The following NRG3 variants were observed in gnomAD, a reference collection of about 807,000 sequenced individuals.
NRG3 encodes the protein neuregulin 3.
Under a neutral mutation model 66.9 loss-of-function variants are expected in NRG3, and 31 were observed. The ratio of observed to expected loss-of-function variants is 0.46; its 90% CI spans 0.35 to 0.63. NRG3 has a LOEUF of 0.63. NRG3 is among the 20% of genes least tolerant of loss of function. The probability of loss-of-function intolerance (pLI) is 0.00; values close to 1 mark genes in which losing one functional copy is unlikely to be tolerated. For missense variants in NRG3, 910 were observed against 878.9 expected, an observed-to-expected ratio of 1.04 and a Z score of -0.45; for synonymous variants, 393 against 359.4, an observed-to-expected ratio of 1.09 and a Z score of -1.06.
At chr10:82,213,769 A>G (rs2075520414) in intron 1 of NRG3, among the ~76,000 whole-genome samples, 1 of 152,214 alleles carries the variant, frequency 6.6e-6, no homozygotes, top group Non-Finnish European at 1.5e-5. Context: ...TTACCTTACT[A>G]TGTCACATAT....
intron 1 of NRG3, among the ~76,000 whole-genome samples, chr10:82,109,559 GTGTGTGTGTGTGTGTGTGTATA>G (rs991371924): frequency 3.8e-5 from 5 of 132,200 alleles, no homozygotes; most frequent in African/African-American, 1.2e-4. Flanking sequence ...GTGTGTGTGT[GTGTGTGTGTGTGTGTGTGTATA>G]TATATATTTT....
At chr10:82,534,209 T>C (rs1847585247) in intron 2 of NRG3, among the ~76,000 whole-genome samples, 1 of 150,684 alleles carries the variant, frequency 6.6e-6, no homozygotes, top group African/African-American at 2.4e-5. Context: ...ACAAATTCAA[T>C]GCAATCTGCA....
intron 1 of NRG3, among the ~76,000 whole-genome samples, chr10:81,962,318 A>C (rs2133286585): frequency 6.6e-6 from 1 of 152,300 alleles, no homozygotes; most frequent in South Asian, 2.1e-4. Context: ...CAGTCAACAC[A>C]TTTAGGGTTG....
intron 8 of NRG3, chr10:82,984,845 T>C (rs1245498269): frequency 4.6e-6 from 7 of 1,517,484 alleles, no homozygotes; most frequent in Non-Finnish European, 6.3e-6. Flanking sequence ...GAAAGACCCC[T>C]GGACTTAAAG....
At chr10:82,830,781 T>G (rs2062478869) in intron 3 of NRG3, among the ~76,000 whole-genome samples, 1 of 152,130 alleles carries the variant, frequency 6.6e-6, no homozygotes, top group Admixed American at 6.6e-5. Context: ...AAGGAACCCA[T>G]CTAGGGAAAC....
chr10:82,217,168 A>C (rs912162228), intron 1 of NRG3, among the ~76,000 whole-genome samples: 1 of 152,224 alleles, frequency 6.6e-6, no homozygotes, highest in Non-Finnish European at 1.5e-5. Flanking sequence ...AAGAAACAGC[A>C]GCTTTTACTC....
At chr10:81,908,915 G>A (rs1844847694) in intron 1 of NRG3, among the ~76,000 whole-genome samples, 1 of 152,150 alleles carries the variant, frequency 6.6e-6, no homozygotes, top group Admixed American at 6.5e-5. Flanking sequence ...GGTGTTGAGA[G>A]TGATGGGGTT....
intron 1 of NRG3, among the ~76,000 whole-genome samples, chr10:82,155,205 G>A (rs1295797908): frequency 6.6e-6 from 1 of 151,778 alleles, no homozygotes; most frequent in East Asian, 1.9e-4. Context: ...ATCAGAGCAC[G>A]TTTTCACCTG....
At chr10:82,739,242 T>G (rs373005063) in intron 3 of NRG3, among the ~76,000 whole-genome samples, 1 of 152,222 alleles carries the variant, frequency 6.6e-6, no homozygotes, top group East Asian at 1.9e-4. Flanking sequence ...TGGCTAGTCA[T>G]TAGTTTGTTT....
chr10:82,826,833 T>C (rs571247358), intron 3 of NRG3, among the ~76,000 whole-genome samples: 2 of 151,932 alleles, frequency 1.3e-5, no homozygotes, highest in Non-Finnish European at 2.9e-5. Flanking sequence ...GGAGAGGACA[T>C]ACCTTGTACA....
intron 2 of NRG3, among the ~76,000 whole-genome samples, chr10:82,560,894 T>A (rs183487321): frequency 1.0e-3 from 155 of 152,162 alleles, no homozygotes; most frequent in Middle Eastern, 7.2e-3. Flanking sequence ...CAATGATGCA[T>A]GAGTCTTATA....
intron 1 of NRG3, among the ~76,000 whole-genome samples, chr10:82,055,419 G>A (rs1251123847): frequency 7.2e-6 from 1 of 139,686 alleles, no homozygotes; most frequent in East Asian, 2.0e-4. Flanking sequence ...AGAGTTTGCA[G>A]TGAACCAAGA....
chr10:82,798,544 CTT>C (rs1292076844), intron 3 of NRG3, among the ~76,000 whole-genome samples: 1 of 152,114 alleles, frequency 6.6e-6, no homozygotes, highest in Non-Finnish European at 1.5e-5. Flanking sequence ...AAAGGACTAT[CTT>C]GTTTGGGGGT....
intron 2 of NRG3, among the ~76,000 whole-genome samples, chr10:82,577,581 A>AT: frequency 6.6e-6 from 1 of 151,858 alleles, no homozygotes; most frequent in African/African-American, 2.4e-5. Context: ...GGATCCCTAC[A>AT]TTTAAGAGAA....
intron 1 of NRG3, among the ~76,000 whole-genome samples, chr10:82,049,715 C>G (rs1438957358): frequency 6.6e-6 from 1 of 151,978 alleles, no homozygotes; most frequent in South Asian, 2.1e-4. Flanking sequence ...TGGGCACTCT[C>G]TGCATCCAAT....
chr10:82,239,289 G>A (rs578037256), intron 1 of NRG3, among the ~76,000 whole-genome samples: 187 of 152,114 alleles, frequency 1.2e-3, no homozygotes, highest in Non-Finnish European at 1.7e-3. Flanking sequence ...TTACCCAGGC[G>A]GGACCATAGG....
At chr10:82,407,995 G>C (rs2087664767) in intron 2 of NRG3, among the ~76,000 whole-genome samples, 1 of 150,084 alleles carries the variant, frequency 6.7e-6, no homozygotes, top group South Asian at 2.1e-4. Context: ...CTTGAGGTGA[G>C]CTAAGATCAC....
chr10:82,511,746 G>T (rs1845185275), intron 2 of NRG3, among the ~76,000 whole-genome samples: 1 of 152,100 alleles, frequency 6.6e-6, no homozygotes, highest in African/African-American at 2.4e-5. Flanking sequence ...GGATGTCCTT[G>T]TTCTGCCCTG....
intron 1 of NRG3, among the ~76,000 whole-genome samples, chr10:81,946,907 C>T (rs1848897188): frequency 6.6e-6 from 1 of 152,144 alleles, no homozygotes; most frequent in Non-Finnish European, 1.5e-5. Flanking sequence ...CGCCATCTTC[C>T]AAAACCTAAT....
Sources: gnomAD v4.1 joint callset for allele counts (sites outside exome capture counted in the v4.1 genomes callset) on GRCh38, gnomAD v4.1.1 for gene constraint, MANE v1.5 for transcripts, NCBI Gene and HGNC (gene_info 2026-07-23, HGNC 2026-07-21) for gene names.